COL11A1: variants seen among roughly 807,000 people sequenced by gnomAD.
The protein encoded by COL11A1 is collagen type XI alpha 1 chain.
A neutral mutation model predicts 265.2 loss-of-function variants in COL11A1; 74 were observed. The observed-to-expected ratio is 0.28, with a 90% CI of 0.23 to 0.34. The LOEUF is 0.34. COL11A1 is among the 10% of genes least tolerant of loss of function. The pLI, the probability that COL11A1 is intolerant of heterozygous loss-of-function variation, is 1.00. For synonymous variants in COL11A1, 816 were observed against 727.6 expected (o/e 1.12, Z -1.96); for missense variants, 2,165 against 2,263.6 (o/e 0.96, Z 0.88).
chr1:102,895,750 G>T (rs1055033680), intron 57 of COL11A1, among the ~76,000 whole-genome samples: 2 of 149,938 alleles, frequency 1.3e-5, no homozygotes, highest in African/African-American at 4.9e-5. Flanking sequence ...ACAGGGAAGG[G>T]TCCCTAGAGG....
intron 44 of COL11A1, among the ~76,000 whole-genome samples, chr1:102,938,511 G>A (rs1658384371): frequency 6.6e-6 from 1 of 152,034 alleles, no homozygotes; most frequent in Admixed American, 6.6e-5. Flanking sequence ...TAAGAAGTAG[G>A]AACATGTTTA....
rs12025921 is a variant in COL11A1 at position 103,108,256 on chromosome 1, A to T, written c.-78T>A. On this transcript the variant is annotated 5_prime_UTR_variant, in exon 1 of 67. Transcript: ENST00000370096. Reference sequence around the variant, plus strand: ...AGACCAACTTCGTCCTTTCCAAGGTATCGCCAGGGATGTTTGCTACACAGC... The same window carrying T: ...AGACCAACTTCGTCCTTTCCAAGGTTTCGCCAGGGATGTTTGCTACACAGC... 0.023 allele frequency: 24,453 copies of T among 1,085,072 alleles called. 370 individuals are homozygous for T. Among genetic ancestry groups the T allele is most frequent in the Middle Eastern group, 0.038 (139 of 3,688 alleles). 67.2% of individuals were successfully genotyped at this position (1,085,072 alleles called of 1,614,324 possible).
intron 3 of COL11A1, 79 bp downstream of exon 3, chr1:103,078,579 T>A: frequency 7.3e-7 from 1 of 1,371,938 alleles, no homozygotes; most frequent in Non-Finnish European, 1.0e-6. Context: ...CTTATCACAC[T>A]TCATAAATAT....
chr1:102,924,113 C>T (rs112886602), intron 46 of COL11A1, among the ~76,000 whole-genome samples: 2,035 of 151,128 alleles, frequency 0.013, 47 homozygotes, highest in African/African-American at 0.046. Context: ...CACAGCTACT[C>T]GGGAGGCTGA....
chr1:103,002,718 G>A (rs1665228345), intron 22 of COL11A1, 29 bp downstream of exon 22: 1 of 1,587,246 alleles, frequency 6.3e-7, no homozygotes, highest in Non-Finnish European at 8.7e-7. Flanking sequence ...ATTCAAATAT[G>A]AGTTATTTTA....
chr1:102,953,117 G>A (rs1660049993), intron 41 of COL11A1, among the ~76,000 whole-genome samples: 1 of 152,100 alleles, frequency 6.6e-6, no homozygotes, highest in Non-Finnish European at 1.5e-5. Context: ...TTGTATTGCT[G>A]TATAGCTGGC....
At chr1:102,899,701 T>G (rs1652944470) in intron 54 of COL11A1, among the ~76,000 whole-genome samples, 1 of 152,164 alleles carries the variant, frequency 6.6e-6, no homozygotes, top group South Asian at 2.1e-4. Flanking sequence ...TCAGACTGTC[T>G]TGTTTTTCCA....
At chr1:103,047,897 G>A (rs1024071913) in intron 4 of COL11A1, among the ~76,000 whole-genome samples, 1 of 152,126 alleles carries the variant, frequency 6.6e-6, no homozygotes, top group Non-Finnish European at 1.5e-5. Flanking sequence ...TTATATGCTG[G>A]ATTACCTTTA....
intron 37 of COL11A1, 64 bp downstream of exon 37, chr1:102,970,155 C>T: frequency 7.7e-7 from 1 of 1,290,502 alleles, no homozygotes; most frequent in Non-Finnish European, 1.1e-6. Context: ...AAGTAGCTTT[C>T]TATGTATGAA....
chr1:102,974,904 G>C, intron 35 of COL11A1, 21 bp from the exon 36 acceptor site: 3 of 1,603,978 alleles, frequency 1.9e-6, no homozygotes, highest in Non-Finnish European at 2.6e-6. Flanking sequence ...AAAGCAGTGG[G>C]GAGAAGTTAA....
At chr1:102,916,487 T>A (rs1192810916) in intron 49 of COL11A1, among the ~76,000 whole-genome samples, 1 of 152,068 alleles carries the variant, frequency 6.6e-6, no homozygotes, top group Non-Finnish European at 1.5e-5. Flanking sequence ...TCTCAGCAAT[T>A]GTGAGGTGGA....
rs1557763689 is a variant in COL11A1 at position 102,877,814 on chromosome 1, C to A, written c.*205G>T. ...AGAATCAGCCCTGTTTCCATCTTAG[C>A]CACACCAACTTATATCTTTATGATT... On this transcript the variant is annotated 3_prime_UTR_variant, in exon 67 of 67. Coordinates refer to ENST00000370096, the MANE Select transcript of COL11A1 (RefSeq NM_001854.4). 2 of 520,220 alleles carry A rather than the reference C, an allele frequency of 3.8e-6. No individual in the cohort carries two copies. Among genetic ancestry groups the A allele is most frequent in the African/African-American group, 1.9e-5 (1 of 51,764 alleles). The allele number at this position is 520,220 out of a possible 1,614,324, so 32.2% of individuals were successfully genotyped here.
intron 1 of COL11A1, among the ~76,000 whole-genome samples, chr1:103,093,719 T>C (rs1673510070): frequency 6.6e-6 from 1 of 152,102 alleles, no homozygotes; most frequent in Non-Finnish European, 1.5e-5. Context: ...ACATTGCCAG[T>C]AATAAACCGC....
At chr1:102,935,807 C>T (rs961561972) in intron 44 of COL11A1, among the ~76,000 whole-genome samples, 2 of 152,124 alleles carry the variant, frequency 1.3e-5, no homozygotes, top group African/African-American at 2.4e-5. Context: ...TGTGGGGGAA[C>T]TGTTAAAGCA....
At chr1:102,957,809 C>T (rs1207917216) in intron 41 of COL11A1, among the ~76,000 whole-genome samples, 1 of 151,710 alleles carries the variant, frequency 6.6e-6, no homozygotes, top group Non-Finnish European at 1.5e-5. Context: ...TTCTTCAAGC[C>T]TCAGATCTTT....
intron 46 of COL11A1, among the ~76,000 whole-genome samples, chr1:102,929,367 G>T (rs935597045): frequency 6.6e-6 from 1 of 152,070 alleles, no homozygotes; most frequent in Non-Finnish European, 1.5e-5. Context: ...CCCATTGTTT[G>T]TTTTTCTCAG....
chr1:102,893,049 C>T (rs1651966289), intron 57 of COL11A1, among the ~76,000 whole-genome samples: 1 of 152,102 alleles, frequency 6.6e-6, no homozygotes, highest in Non-Finnish European at 1.5e-5. Flanking sequence ...AGTTATCTCC[C>T]CATTACTGGG....
At chr1:102,945,744 GA>G (rs1016041042) in intron 42 of COL11A1, among the ~76,000 whole-genome samples, 17 of 151,458 alleles carry the variant, frequency 1.1e-4, no homozygotes, top group East Asian at 1.9e-4. Context: ...TCAAAAGCAG[GA>G]AAAAAAATAG....
intron 5 of COL11A1, 96 bp downstream of exon 5, chr1:103,031,020 A>T: frequency 1.5e-6 from 2 of 1,375,288 alleles, no homozygotes; most frequent in Non-Finnish European, 2.0e-6. Flanking sequence ...AGCATAGCTT[A>T]ATTAAAATGG....
Sources: gnomAD v4.1 joint callset for allele counts (sites outside exome capture counted in the v4.1 genomes callset) on GRCh38, gnomAD v4.1.1 for gene constraint, MANE v1.5 for transcripts, NCBI Gene and HGNC (gene_info 2026-07-23, HGNC 2026-07-21) for gene names.